ARHGEF4: variants seen among roughly 807,000 people sequenced by gnomAD.
The protein encoded by ARHGEF4 is Rho guanine nucleotide exchange factor 4.
ARHGEF4 carries 119 observed loss-of-function variants against 162.0 expected under a neutral mutation model. The observed-to-expected ratio is 0.73, with a 90% CI of 0.63 to 0.86. The LOEUF (loss-of-function observed/expected upper bound fraction) is 0.86, where lower values mean the gene tolerates loss of function less well. ARHGEF4 is among the 40% of genes least tolerant of loss of function. The pLI is 0.00. For synonymous variants in ARHGEF4, 1,014 were observed against 979.9 expected (o/e 1.03, Z -0.65); for missense variants, 2,488 against 2,456.0 (o/e 1.01, Z -0.28).
At chr2:130,951,389 C>T (rs537609829) in intron 4 of ARHGEF4, among the ~76,000 whole-genome samples, 1 of 152,306 alleles carries the variant, frequency 6.6e-6, no homozygotes, top group South Asian at 2.1e-4. Context: ...CACTTGAAAA[C>T]TTAAAGGCCA....
intron 1 of ARHGEF4, among the ~76,000 whole-genome samples, chr2:130,913,623 A>C (rs573361743): frequency 6.6e-6 from 1 of 152,160 alleles, no homozygotes; most frequent in Admixed American, 6.5e-5. Flanking sequence ...CAAACAACGC[A>C]AACATATTGA....
rs1689006829 is a variant in ARHGEF4, at chr2:131,019,926, G to GCA, written c.3986-8018_3986-8017insAC. Reference sequence around the variant, plus strand: ...TGGGATTACAGGCGTGAGCCACCATGCCTGGCCAGTATTTTATTCTTTTTA... The same window carrying GCA: ...TGGGATTACAGGCGTGAGCCACCATGCACCTGGCCAGTATTTTATTCTTTTTA... On this transcript the variant is annotated intron_variant, in intron 4 of 13. Coordinates refer to ENST00000409359, the MANE Select transcript of ARHGEF4 (RefSeq NM_001367493.1). Among the ~76,000 whole-genome samples, 9 of 152,254 alleles carry GCA rather than the reference G, an allele frequency of 5.9e-5. No homozygotes were observed. The South Asian group carries it at 1.7e-3, about 28-fold the overall frequency.
At chr2:130,940,513 T>C (rs1337526624) in intron 3 of ARHGEF4, among the ~76,000 whole-genome samples, 4 of 151,518 alleles carry the variant, frequency 2.6e-5, no homozygotes, top group Non-Finnish European at 5.9e-5. Context: ...GCCAGGATGG[T>C]CTCGATCTCC....
At chr2:131,038,789 CAG>C (rs1573694411) in intron 5 of ARHGEF4, 62 bp from the exon 6 acceptor site, 1 of 1,517,112 alleles carries the variant, frequency 6.6e-7, no homozygotes, top group East Asian at 2.3e-5. Context: ...GGAGTGGAGA[CAG>C]AGAGCAGGGA....
At chr2:130,992,324 G>A (rs908750940) in intron 4 of ARHGEF4, among the ~76,000 whole-genome samples, 6 of 151,590 alleles carry the variant, frequency 4.0e-5, no homozygotes, top group African/African-American at 9.6e-5. Flanking sequence ...TTATTCTTTC[G>A]CTCTTTGCAA....
chr2:131,024,249 A>ATGTTTTGATT (rs1460355277), intron 4 of ARHGEF4, among the ~76,000 whole-genome samples: 1 of 152,036 alleles, frequency 6.6e-6, no homozygotes, highest in South Asian at 2.1e-4. Flanking sequence ...ACAATAAAAC[A>ATGTTTTGATT]TCTTTTGTTT....
At chr2:130,995,749 T>C (rs1573560510) in intron 4 of ARHGEF4, among the ~76,000 whole-genome samples, 1 of 152,166 alleles carries the variant, frequency 6.6e-6, no homozygotes, top group South Asian at 2.1e-4. Context: ...CCTCTCCATG[T>C]AGAACTCGCC....
intron 4 of ARHGEF4, among the ~76,000 whole-genome samples, chr2:130,962,092 A>T (rs1684658530): frequency 6.6e-6 from 1 of 152,096 alleles, no homozygotes. Flanking sequence ...TACAAAAATT[A>T]GCTGGGCATG....
intron 3 of ARHGEF4, among the ~76,000 whole-genome samples, chr2:130,940,391 G>C (rs1683214185): frequency 2.6e-5 from 4 of 151,876 alleles, no homozygotes; most frequent in Admixed American, 2.0e-4. Flanking sequence ...TGCCTCCCAG[G>C]TTCGCGACAT....
At chr2:130,970,765 T>G (rs1241216229) in intron 4 of ARHGEF4, among the ~76,000 whole-genome samples, 1 of 152,204 alleles carries the variant, frequency 6.6e-6, no homozygotes, top group East Asian at 1.9e-4. Context: ...TTGGATTGTT[T>G]GTTTTCTTAT....
In ARHGEF4 at chr2:130,844,485, C is replaced by T. The variant is rs148246260; in HGVS notation, c.39+7493C>T. Among the ~76,000 whole-genome samples, 585 of 152,336 alleles carry T rather than the reference C, an allele frequency of 3.8e-3. 2 individuals carry two copies. Among genetic ancestry groups the T allele is most frequent in the African/African-American group, 0.013 (540 of 41,578 alleles). On this transcript the variant is annotated intron_variant, in intron 1 of 13. Transcript: ENST00000409359. The stretch of plus-strand genomic sequence containing the variant: ...AGCTTGAAATGCCTTGGGTATCAGC[C>T]ACGTTTGTACCACAGGGGTCGATTT...
At chr2:130,987,354 G>T (rs1212014559) in intron 4 of ARHGEF4, among the ~76,000 whole-genome samples, 1 of 152,226 alleles carries the variant, frequency 6.6e-6, no homozygotes, top group Non-Finnish European at 1.5e-5. Context: ...CTGACTTCAA[G>T]AATGAAGCCA....
At chr2:131,000,891 C>T (rs1461122827) in intron 4 of ARHGEF4, among the ~76,000 whole-genome samples, 1 of 152,140 alleles carries the variant, frequency 6.6e-6, no homozygotes, top group East Asian at 1.9e-4. Flanking sequence ...ATTTTCCAAA[C>T]AGTGTGCCTT....
intron 4 of ARHGEF4, among the ~76,000 whole-genome samples, chr2:131,014,892 T>C (rs1463089124): frequency 1.3e-5 from 2 of 152,088 alleles, no homozygotes; most frequent in Non-Finnish European, 2.9e-5. Context: ...GCAGAACGGC[T>C]AGAGACCCAG....
At chr2:130,893,273 C>T (rs1459654923) in intron 1 of ARHGEF4, among the ~76,000 whole-genome samples, 2 of 152,212 alleles carry the variant, frequency 1.3e-5, no homozygotes, top group African/African-American at 4.8e-5. Flanking sequence ...TGCCCTGGCT[C>T]ACCTGGGAGG....
At chr2:130,855,854 A>G (rs969067268) in intron 1 of ARHGEF4, among the ~76,000 whole-genome samples, 2 of 136,126 alleles carry the variant, frequency 1.5e-5, no homozygotes, top group Non-Finnish European at 3.0e-5. Context: ...ACAATTGACC[A>G]ATCAAACAAC....
At chr2:130,975,850 G>C (rs534773856) in intron 4 of ARHGEF4, among the ~76,000 whole-genome samples, 3 of 152,312 alleles carry the variant, frequency 2.0e-5, no homozygotes, top group East Asian at 1.9e-4. Flanking sequence ...CCATCACAGT[G>C]CTCTGGGCGG....
chr2:131,003,816 C>G (rs1687930485), intron 4 of ARHGEF4, among the ~76,000 whole-genome samples: 1 of 152,180 alleles, frequency 6.6e-6, no homozygotes, highest in East Asian at 1.9e-4. Flanking sequence ...TCAGATCAGT[C>G]TTCTGGGAAG....
At chr2:130,860,941 T>C (rs1390633177) in intron 1 of ARHGEF4, among the ~76,000 whole-genome samples, 1 of 71,194 alleles carries the variant, frequency 1.4e-5, no homozygotes, top group African/African-American at 9.0e-5. Flanking sequence ...AGTATAAATC[T>C]GAAGTAGATT....
Sources: gnomAD v4.1 joint callset for allele counts (sites outside exome capture counted in the v4.1 genomes callset) on GRCh38, gnomAD v4.1.1 for gene constraint, MANE v1.5 for transcripts, NCBI Gene and HGNC (gene_info 2026-07-23, HGNC 2026-07-21) for gene names.